Variants in HTR4 observed in about 807,000 individuals in gnomAD.
HTR4 encodes the protein 5-hydroxytryptamine receptor 4.
HTR4 carries 16 observed loss-of-function variants against 36.8 expected under a neutral mutation model. The ratio of observed to expected loss-of-function variants is 0.43; its 90% CI spans 0.29 to 0.66. HTR4 has a LOEUF of 0.66. HTR4 is among the 30% of genes least tolerant of loss of function. The probability of loss-of-function intolerance (pLI) is 0.13; values close to 1 mark genes in which losing one functional copy is unlikely to be tolerated. For synonymous variants in HTR4, 189 were observed against 185.1 expected (o/e 1.02, Z -0.17); for missense variants, 438 against 490.9 (o/e 0.89, Z 1.02).
chr5:148,624,218 T>G (rs1401849607), intron 2 of HTR4, among the ~76,000 whole-genome samples: 1 of 152,240 alleles, frequency 6.6e-6, no homozygotes, highest in Non-Finnish European at 1.5e-5. Context: ...CCAGTATCTG[T>G]AAATTCTACA....
intron 2 of HTR4, among the ~76,000 whole-genome samples, chr5:148,636,451 C>T (rs1052170238): frequency 6.6e-6 from 1 of 152,094 alleles, no homozygotes; most frequent in Admixed American, 6.6e-5. Flanking sequence ...AGAAAATCTT[C>T]CCTAGGAGTC....
At chr5:148,451,096 G>A in exon 6 of HTR4, 1 of 1,590,960 alleles carries the variant, frequency 6.3e-7, no homozygotes, top group Non-Finnish European at 8.6e-7. Flanking sequence ...CCTCACTGGT[G>A]GTGATGAGGT....
chr5:148,484,730 T>C (rs1045317093), intron 6 of HTR4, among the ~76,000 whole-genome samples: 1 of 152,220 alleles, frequency 6.6e-6, no homozygotes, highest in African/African-American at 2.4e-5. Flanking sequence ...CTTCCCTAAA[T>C]AATGAAATCT....
At chr5:148,533,877 ATAT>A (rs200725343) in intron 4 of HTR4, among the ~76,000 whole-genome samples, 2,179 of 152,362 alleles carry the variant, frequency 0.014, 20 homozygotes, top group Middle Eastern at 0.048. Context: ...TGTTTAATAC[ATAT>A]TATTATAAAC....
intron 1 of HTR4, among the ~76,000 whole-genome samples, chr5:148,653,641 G>A (rs1042230100): frequency 4.6e-5 from 7 of 151,506 alleles, no homozygotes; most frequent in African/African-American, 1.5e-4. Context: ...AGCACACTCT[G>A]GGCTGCACAT....
chr5:148,636,926 T>G, intron 2 of HTR4, 63 bp downstream of exon 2: 2 of 1,049,286 alleles, frequency 1.9e-6, no homozygotes, highest in Non-Finnish European at 1.5e-6. Flanking sequence ...AACAGATTTT[T>G]AGAGTCTTCA....
In HTR4 at chr5:148,509,517, TGGAAG is replaced by T. The variant is rs752752200; in HGVS notation, c.1010_1014del (p.Pro337HisfsTer14). On this transcript the variant is annotated frameshift_variant, in exon 6 of 7. Coordinates refer to ENST00000377888, the MANE Select transcript of HTR4 (RefSeq NM_000870.7). LOFTEE classifies it high-confidence loss of function. ...GAACAAGGGACAGTCTGGCCCAGAA[TGGAAG>T]GTCTTCGGTAGCGCTCATCATCACA... is the stretch of plus-strand genomic sequence containing the variant. 5.6e-6 allele frequency: 9 copies of T among 1,613,824 alleles called. No homozygotes were observed. In the African/African-American group the frequency reaches 1.1e-4, roughly 19 times the overall value.
chr5:148,545,180 G>A (rs1340063976), intron 4 of HTR4, among the ~76,000 whole-genome samples: 1 of 151,814 alleles, frequency 6.6e-6, no homozygotes. Flanking sequence ...AGACAAGCTG[G>A]AGGCAAGATC....
chr5:148,451,423 G>A, intron 5 of HTR4: 3 of 1,391,918 alleles, frequency 2.2e-6, no homozygotes, highest in African/African-American at 1.4e-5. Flanking sequence ...ATACTTCATA[G>A]AGATAGAAAA....
At chr5:148,466,834 C>A (rs1038723761) in intron 5 of HTR4, among the ~76,000 whole-genome samples, 1 of 152,140 alleles carries the variant, frequency 6.6e-6, no homozygotes, top group Non-Finnish European at 1.5e-5. Context: ...CCAATTTTTT[C>A]TTCCTTCAAC....
chr5:148,633,576 G>GT (rs1753409789), intron 2 of HTR4, among the ~76,000 whole-genome samples: 2 of 127,882 alleles, frequency 1.6e-5, no homozygotes, highest in African/African-American at 6.1e-5. Flanking sequence ...TCCCCTTCCT[G>GT]TGTCCATGTG....
chr5:148,467,520 G>A (rs761465093), intron 5 of HTR4, among the ~76,000 whole-genome samples: 7 of 152,070 alleles, frequency 4.6e-5, no homozygotes, highest in Admixed American at 6.6e-5. Context: ...TTTCAGAAGA[G>A]GATATAATGC....
At chr5:148,569,376 G>GT (rs1460019919) in intron 2 of HTR4, among the ~76,000 whole-genome samples, 1 of 151,958 alleles carries the variant, frequency 6.6e-6, no homozygotes, top group Non-Finnish European at 1.5e-5. Context: ...GAGAAGGGGA[G>GT]TATCAGGAAA....
At chr5:148,456,382 G>C (rs551200986) in intron 5 of HTR4, among the ~76,000 whole-genome samples, 1 of 152,300 alleles carries the variant, frequency 6.6e-6, no homozygotes, top group East Asian at 1.9e-4. Context: ...TTTATGCACT[G>C]TCTCTAACTG....
intron 2 of HTR4, among the ~76,000 whole-genome samples, chr5:148,550,699 A>G (rs772644339): frequency 9.2e-5 from 14 of 152,276 alleles, no homozygotes; most frequent in Non-Finnish European, 1.5e-4. Context: ...TTTAGTTGCC[A>G]TGGACCCCCA....
chr5:148,455,337 C>T (rs181204936), intron 5 of HTR4, among the ~76,000 whole-genome samples: 2 of 152,206 alleles, frequency 1.3e-5, no homozygotes, highest in African/African-American at 4.8e-5. Context: ...ACACTGAGTT[C>T]GCATGAAAAA....
At chr5:148,476,597 T>C (rs10069937), downstream of HTR4, 2,198 of 1,497,666 alleles carry the variant, frequency 1.5e-3, 29 homozygotes, top group African/African-American at 0.028. Context: ...ACAGTGGAGA[T>C]GCCGTAACAA....
At chr5:148,611,421 C>G (rs1333888344) in intron 2 of HTR4, among the ~76,000 whole-genome samples, 1 of 144,654 alleles carries the variant, frequency 6.9e-6, no homozygotes, top group East Asian at 2.1e-4. Context: ...CATATCCAGC[C>G]AAACTAAGCT....
chr5:148,635,048 T>G (rs539195543), intron 2 of HTR4, among the ~76,000 whole-genome samples: 1 of 152,218 alleles, frequency 6.6e-6, no homozygotes, highest in East Asian at 1.9e-4. Context: ...AATATAAAAA[T>G]GCATAATATT....
Sources: gnomAD v4.1 joint callset for allele counts (sites outside exome capture counted in the v4.1 genomes callset) on GRCh38, gnomAD v4.1.1 for gene constraint, MANE v1.5 for transcripts, NCBI Gene and HGNC (gene_info 2026-07-23, HGNC 2026-07-21) for gene names.